Variants in ADAMTSL1 observed in about 807,000 individuals in gnomAD.
The protein encoded by ADAMTSL1 is ADAMTS-like protein 1.
Under a neutral mutation model 201.8 loss-of-function variants are expected in ADAMTSL1, and 126 were observed. The ratio of observed to expected loss-of-function variants is 0.62; its 90% confidence interval spans 0.54 to 0.72. The LOEUF (loss-of-function observed/expected upper bound fraction) is 0.72. Among genes scored for constraint, ADAMTSL1 ranks in the 30% least tolerant of loss-of-function variants. The pLI is 0.00. For synonymous variants in ADAMTSL1, 1,121 were observed against 903.4 expected (o/e 1.24, Z -4.32); for missense variants, 2,679 against 2,277.8 (o/e 1.18, Z -3.59).
Position 18,776,860 on chromosome 9 carries a change from G to A in ADAMTSL1, c.2631G>A (p.Arg877=). The A allele has an allele frequency of 1.2e-6, 2 of 1,609,266 alleles. No homozygotes were observed. Among genetic ancestry groups the A allele is most frequent in the South Asian group, 2.2e-5 (2 of 90,312 alleles). The part of the protein sequence containing the change: ...RKVYIQTRRQ[R]KLHFVVGGFA... ...TCTACATACAGACTCGCAGGCAGAG[G>A]AAGCTGCACTTCGTGGTGGGGGGCT... Residue 877 remains arginine (R), a synonymous_variant, in exon 19 of 29, where the codon AGG becomes AGA. Coordinates refer to ENST00000380548, the MANE Select transcript of ADAMTSL1 (RefSeq NM_001040272.6).
intron 1 of ADAMTSL1, among the ~76,000 whole-genome samples, chr9:18,002,776 T>A (rs2094253314): frequency 6.6e-6 from 1 of 152,042 alleles, no homozygotes; most frequent in South Asian, 2.1e-4. Flanking sequence ...CACTTAGCAG[T>A]ATATATTGTT....
intron 4 of ADAMTSL1, among the ~76,000 whole-genome samples, chr9:18,579,269 C>G (rs1281882497): frequency 6.8e-6 from 1 of 147,172 alleles, no homozygotes; most frequent in Non-Finnish European, 1.5e-5. Flanking sequence ...GCCGCATATT[C>G]TCACTCATAG....
chr9:18,597,884 G>A (rs1824369025), intron 4 of ADAMTSL1, among the ~76,000 whole-genome samples: 1 of 152,096 alleles, frequency 6.6e-6, no homozygotes, highest in South Asian at 2.1e-4. Context: ...ATCCTAATAA[G>A]GGCTGCTTTC....
chr9:18,608,875 C>A (rs1055775495), intron 4 of ADAMTSL1, among the ~76,000 whole-genome samples: 30 of 151,870 alleles, frequency 2.0e-4, no homozygotes, highest in African/African-American at 6.8e-4. Flanking sequence ...TTAAAAAGAT[C>A]GTAACTGATT....
At chr9:18,563,514 C>G (rs1158060323) in intron 3 of ADAMTSL1, among the ~76,000 whole-genome samples, 4 of 152,232 alleles carry the variant, frequency 2.6e-5, no homozygotes, top group Non-Finnish European at 5.9e-5. Context: ...ACGAGGCAGC[C>G]TGTCCCTTAG....
chr9:18,152,957 T>C lies in ADAMTSL1; in HGVS notation c.88-10905T>C, dbSNP rs191319308. Among the ~76,000 whole-genome samples, 339 of 152,184 alleles carry C rather than the reference T, an allele frequency of 2.2e-3. 6 individuals are homozygous for C. Among genetic ancestry groups the C allele is most frequent in the East Asian group, 0.02 (101 of 5,164 alleles). On this transcript the variant is annotated intron_variant, in intron 1 of 29. Coordinates refer to the ADAMTSL1 transcript ENST00000680146. ...ACAATGATCATATTTTCTTTCTTTA[T>C]AAATTGTTGGTTTGGCCAATGTCCT... is the stretch of plus-strand genomic sequence containing the variant.
chr9:18,306,718 T>C (rs921476884), intron 2 of ADAMTSL1, among the ~76,000 whole-genome samples: 9 of 152,128 alleles, frequency 5.9e-5, no homozygotes, highest in Admixed American at 1.3e-4. Flanking sequence ...CTACGTTTGA[T>C]TGGTGTACCT....
chr9:18,104,073 C>T (rs947181806), intron 1 of ADAMTSL1, among the ~76,000 whole-genome samples: 1 of 152,118 alleles, frequency 6.6e-6, no homozygotes, highest in East Asian at 1.9e-4. Flanking sequence ...CTTTACAGAA[C>T]TCATATTGTT....
intron 2 of ADAMTSL1, among the ~76,000 whole-genome samples, chr9:18,192,877 G>T (rs1829024528): frequency 6.6e-6 from 1 of 152,088 alleles, no homozygotes; most frequent in Non-Finnish European, 1.5e-5. Flanking sequence ...GCAGCTTATT[G>T]CAAGCACTGT....
At chr9:18,097,968 G>A (rs1312432484) in intron 1 of ADAMTSL1, among the ~76,000 whole-genome samples, 2 of 151,474 alleles carry the variant, frequency 1.3e-5, no homozygotes, top group East Asian at 3.9e-4. Context: ...TAGCTTTTAG[G>A]TTTAGGTTAG....
At chr9:18,405,117 A>T (rs530030567) in intron 2 of ADAMTSL1, among the ~76,000 whole-genome samples, 1 of 152,256 alleles carries the variant, frequency 6.6e-6, no homozygotes, top group East Asian at 1.9e-4. Context: ...TTGAGACTCT[A>T]CCTGTATAGC....
intron 2 of ADAMTSL1, among the ~76,000 whole-genome samples, chr9:18,525,107 C>T (rs953165243): frequency 6.6e-6 from 1 of 152,102 alleles, no homozygotes; most frequent in Non-Finnish European, 1.5e-5. Context: ...TAATTATTGC[C>T]TCAATTTCAG....
At chr9:17,950,774 C>A (rs1476870554) in intron 1 of ADAMTSL1, among the ~76,000 whole-genome samples, 2 of 152,078 alleles carry the variant, frequency 1.3e-5, no homozygotes, top group Non-Finnish European at 2.9e-5. Context: ...TGCTGGGTAA[C>A]TGGGGAGAAT....
chr9:18,574,084 G>T lies in ADAMTSL1; in HGVS notation c.292G>T (p.Asp98Tyr), dbSNP rs1822533500. The T allele has an allele frequency of 6.2e-7, 1 of 1,614,018 alleles. No individual in the cohort carries two copies. Among genetic ancestry groups the T allele is most frequent in the Non-Finnish European group, 8.5e-7 (1 of 1,180,016 alleles). ...AGCTCAGCAATGCTCAGCTCATAAT[G>T]ATGTCAAGCACCATGGCCAGTTTTA... ...FRAQQCSAHNDVKHHGQFYEW... is the reference protein window; with the variant it reads ...FRAQQCSAHNYVKHHGQFYEW... Residue 98 changes from aspartate to tyrosine, a missense_variant, in exon 4 of 29, where the codon GAT becomes TAT. Asp to Tyr is a radical substitution (Grantham distance 160). Transcript: ENST00000380548.
At chr9:18,685,843 A>G (rs1445679068) in intron 13 of ADAMTSL1, among the ~76,000 whole-genome samples, 2 of 152,236 alleles carry the variant, frequency 1.3e-5, no homozygotes, top group African/African-American at 2.4e-5. Flanking sequence ...ACCAAAGGTC[A>G]CTTGTAAAGA....
chr9:18,172,785 A>T (rs1827960845), intron 2 of ADAMTSL1, among the ~76,000 whole-genome samples: 2 of 152,122 alleles, frequency 1.3e-5, no homozygotes, highest in Admixed American at 6.6e-5. Flanking sequence ...TAAATAACAC[A>T]TCTACATGTA....
At chr9:18,656,755 A>G (rs1239753193) in intron 7 of ADAMTSL1, among the ~76,000 whole-genome samples, 1 of 152,100 alleles carries the variant, frequency 6.6e-6, no homozygotes, top group African/African-American at 2.4e-5. Flanking sequence ...AATCCTCTCA[A>G]TTGTCCTTGG....
chr9:18,266,899 C>T (rs2132557085), intron 2 of ADAMTSL1, among the ~76,000 whole-genome samples: 1 of 152,254 alleles, frequency 6.6e-6, no homozygotes, highest in East Asian at 1.9e-4. Flanking sequence ...AGGCTTCTTG[C>T]AATAACTTCT....
intron 1 of ADAMTSL1, among the ~76,000 whole-genome samples, chr9:18,503,554 T>C (rs949120523): frequency 1.3e-5 from 2 of 152,024 alleles, no homozygotes; most frequent in East Asian, 3.9e-4. Context: ...GATTCATTCA[T>C]TGTTGTAGTA....
Sources: gnomAD v4.1 joint callset for allele counts (sites outside exome capture counted in the v4.1 genomes callset) on GRCh38, gnomAD v4.1.1 for gene constraint, MANE v1.5 for transcripts, NCBI Gene and HGNC (gene_info 2026-07-23, HGNC 2026-07-21) for gene names.